Variants in TTC23L observed in about 807,000 individuals in gnomAD.
The protein encoded by TTC23L is tetratricopeptide repeat protein 23-like.
In TTC23L, 42 loss-of-function variants were observed where a neutral mutation model predicts 48.1. The ratio of observed to expected loss-of-function variants is 0.87; its 90% CI spans 0.68 to 1.13. The LOEUF (loss-of-function observed/expected upper bound fraction) is 1.13. TTC23L is among the 50% of genes most tolerant of loss of function. The pLI, the probability that TTC23L is intolerant of heterozygous loss-of-function variation, is 0.00. For synonymous variants in TTC23L, 159 were observed against 157.2 expected (o/e 1.01, Z -0.09); for missense variants, 391 against 421.0 (o/e 0.93, Z 0.62).
At chr5:34,840,695 C>A in exon 2 of TTC23L, 1 of 1,613,954 alleles carries the variant, frequency 6.2e-7, no homozygotes, top group Non-Finnish European at 8.5e-7. Flanking sequence ...CCATCCGTAT[C>A]CCAACTGTTA....
At chr5:34,895,208 A>G (rs1330708941) in intron 9 of TTC23L, among the ~76,000 whole-genome samples, 1 of 152,222 alleles carries the variant, frequency 6.6e-6, no homozygotes, top group Admixed American at 6.5e-5. Context: ...ATTTAAAGTT[A>G]GACATATCTG....
chr5:34,892,605 G>T (rs1249438275), intron 9 of TTC23L, among the ~76,000 whole-genome samples: 1 of 152,146 alleles, frequency 6.6e-6, no homozygotes, highest in Non-Finnish European at 1.5e-5. Flanking sequence ...TAAAGGAAAA[G>T]GGCAAGTAAT....
At chr5:34,922,728 A>G in the TTC23L span, 1 of 1,614,052 alleles carries the variant, frequency 6.2e-7, no homozygotes, top group Admixed American at 1.7e-5. Context: ...ATGACTGGAA[A>G]CTGTTTGAAA....
At chr5:34,864,108 T>G (rs1760874977) in intron 5 of TTC23L, among the ~76,000 whole-genome samples, 1 of 152,134 alleles carries the variant, frequency 6.6e-6, no homozygotes, top group African/African-American at 2.4e-5. Flanking sequence ...GGAACAGGCT[T>G]GGGAAAAATG....
intron 8 of TTC23L, among the ~76,000 whole-genome samples, chr5:34,877,439 T>C (rs369119705): frequency 4.6e-5 from 7 of 152,072 alleles, no homozygotes; most frequent in African/African-American, 1.4e-4. Flanking sequence ...TTTTCTTTTT[T>C]TGAGACAGAG....
At chr5:34,889,837 T>G (rs889443862) in intron 9 of TTC23L, among the ~76,000 whole-genome samples, 3 of 150,028 alleles carry the variant, frequency 2.0e-5, no homozygotes, top group African/African-American at 7.3e-5. Context: ...GGTTTTTTTT[T>G]GTTTTTGTTT....
rs191281052 is a variant in TTC23L at position 34,863,706 on chromosome 5, G to T, written c.536+652G>T. Among the ~76,000 whole-genome samples, 6 of 152,270 alleles carry T rather than the reference G, an allele frequency of 3.9e-5. No individual in the cohort carries two copies. The highest frequency in any genetic ancestry group is 7.3e-5 in the Non-Finnish European group (5 of 68,030). ...CAAGTAGTTCTATAAATCCCCAGAG[G>T]GGTACTGTTATATGTGCCTTTCCTC... is the stretch of plus-strand genomic sequence containing the variant. On this transcript the variant is annotated intron_variant, in intron 5 of 10. Coordinates refer to ENST00000505624, the Ensembl canonical transcript of TTC23L. This position sits in a 1 kb window ranked among gnomAD's most constrained non-coding sequence, Gnocchi z 4.1.
At chr5:34,849,638 G>T (rs336493) in intron 3 of TTC23L, among the ~76,000 whole-genome samples, 17,445 of 152,136 alleles carry the variant, frequency 0.11, 1,852 homozygotes, top group African/African-American at 0.29. Flanking sequence ...TAATGATTTT[G>T]TGGTATGTTT....
At chr5:34,878,679 CAAAAA>C (rs1181696935) in intron 8 of TTC23L, among the ~76,000 whole-genome samples, 2 of 151,862 alleles carry the variant, frequency 1.3e-5, no homozygotes, top group Non-Finnish European at 2.9e-5. Flanking sequence ...ATGAAAAAGA[CAAAAA>C]AACAAAAACA....
At chr5:34,840,247 GGGGA>G (rs199670240) in intron 1 of TTC23L, among the ~76,000 whole-genome samples, 30 of 137,532 alleles carry the variant, frequency 2.2e-4, no homozygotes, top group Non-Finnish European at 2.3e-4. Flanking sequence ...CGGGGGGGGG[GGGGA>G]AAGCAGAATT....
intron 3 of TTC23L, among the ~76,000 whole-genome samples, chr5:34,847,783 T>C (rs79074587): frequency 0.02 from 3,074 of 152,300 alleles, 73 homozygotes; most frequent in Non-Finnish European, 0.03. Context: ...TTTGGAAGCA[T>C]CAGGGGAAGT....
At chr5:34,864,414 G>C in intron 5 of TTC23L, 23 bp from the exon 6 acceptor site, 1 of 1,612,516 alleles carries the variant, frequency 6.2e-7, no homozygotes, top group Non-Finnish European at 8.5e-7. Context: ...TTGAGTGCTT[G>C]CCATTTTCCT....
intron 10 of TTC23L, among the ~76,000 whole-genome samples, chr5:34,897,239 G>A (rs1763282969): frequency 1.3e-5 from 2 of 151,906 alleles, no homozygotes; most frequent in South Asian, 4.2e-4. Context: ...CAAAAAATTA[G>A]CCGGGCGTGG....
chr5:34,878,378 A>C (rs144118343), intron 8 of TTC23L, among the ~76,000 whole-genome samples: 180 of 152,318 alleles, frequency 1.2e-3, no homozygotes, highest in African/African-American at 4.2e-3. Context: ...AAACTAAGAT[A>C]TCTTTAATAT....
the TTC23L span, chr5:34,914,507 A>G: frequency 1.6e-6 from 1 of 618,994 alleles, no homozygotes; most frequent in Non-Finnish European, 2.7e-6. Flanking sequence ...ACCGGGAGAG[A>G]AAAAAAATTC....
chr5:34,880,289 T>C (rs1363609369), exon 9 of TTC23L: 1 of 1,610,894 alleles, frequency 6.2e-7, no homozygotes, highest in East Asian at 2.2e-5. Context: ...AAATGGCTTG[T>C]CCAAAATGGA....
At chr5:34,839,469 C>A (rs10078924) in intron 1 of TTC23L, 21,573 of 207,696 alleles carry the variant, frequency 0.1, 2,483 homozygotes, top group African/African-American at 0.32. Context: ...AGAACCACAG[C>A]GGGAAAAGAG....
At chr5:34,912,716 GC>G in the TTC23L span, among the ~76,000 whole-genome samples, 1 of 151,864 alleles carries the variant, frequency 6.6e-6, no homozygotes, top group Non-Finnish European at 1.5e-5. Context: ...AAATCATTCG[GC>G]AACCGGTTGC....
intron 9 of TTC23L, among the ~76,000 whole-genome samples, chr5:34,884,416 C>T (rs988860986): frequency 6.6e-6 from 1 of 151,970 alleles, no homozygotes; most frequent in Non-Finnish European, 1.5e-5. Flanking sequence ...CTAGCCAGAG[C>T]AGTTAGGCAG....
Sources: gnomAD v4.1 joint callset for allele counts (sites outside exome capture counted in the v4.1 genomes callset) on GRCh38, gnomAD v4.1.1 for gene constraint, Gnocchi (gnomAD v3.1) non-coding constraint, MANE v1.5 for transcripts, NCBI Gene and HGNC (gene_info 2026-07-23, HGNC 2026-07-21) for gene names.